Variants in ADGRL2 observed in about 807,000 individuals in gnomAD.
The protein encoded by ADGRL2 is adhesion G protein-coupled receptor L2.
Under a neutral mutation model 157.4 loss-of-function variants are expected in ADGRL2, and 44 were observed. The observed-to-expected ratio is 0.28, with a 90% confidence interval of 0.22 to 0.36. The LOEUF (loss-of-function observed/expected upper bound fraction) is 0.36, where lower values mean the gene tolerates loss of function less well. Among genes scored for constraint, ADGRL2 ranks in the 10% least tolerant of loss-of-function variants. The pLI is 1.00. For missense variants in ADGRL2, 1,510 were observed against 1,768.9 expected, an observed-to-expected ratio of 0.85 and a Z score of 2.63; for synonymous variants, 585 against 624.7, an observed-to-expected ratio of 0.94 and a Z score of 0.95.
intron 1 of ADGRL2, among the ~76,000 whole-genome samples, chr1:81,436,742 G>A (rs533593088): frequency 4.6e-5 from 7 of 152,310 alleles, no homozygotes; most frequent in African/African-American, 1.2e-4. Flanking sequence ...GGACTGGTCT[G>A]CTCAGTGAAC....
intron 3 of ADGRL2, among the ~76,000 whole-genome samples, chr1:81,646,321 A>C (rs2082314498): frequency 6.6e-6 from 1 of 152,190 alleles, no homozygotes; most frequent in Non-Finnish European, 1.5e-5. Context: ...GAGAAAAATT[A>C]TTTCTTGGAC....
chr1:81,572,104 C>T (rs1028413332), intron 2 of ADGRL2, among the ~76,000 whole-genome samples: 1 of 152,188 alleles, frequency 6.6e-6, no homozygotes, highest in Non-Finnish European at 1.5e-5. Flanking sequence ...GACTGGCTAA[C>T]AGGAGCAATG....
intron 2 of ADGRL2, among the ~76,000 whole-genome samples, chr1:81,513,212 C>T (rs1489378458): frequency 6.6e-6 from 1 of 152,054 alleles, no homozygotes; most frequent in Non-Finnish European, 1.5e-5. Flanking sequence ...TCTCAATTTG[C>T]TGAGGACAAA....
chr1:81,565,992 TG>T (rs2148474150), intron 2 of ADGRL2, among the ~76,000 whole-genome samples: 1 of 152,294 alleles, frequency 6.6e-6, no homozygotes, highest in South Asian at 2.1e-4. Flanking sequence ...ACTGCAGCTT[TG>T]CAGAGGGGTA....
intron 1 of ADGRL2, among the ~76,000 whole-genome samples, chr1:81,342,183 C>G (rs1001729080): frequency 6.6e-6 from 1 of 152,116 alleles, no homozygotes; most frequent in African/African-American, 2.4e-5. Flanking sequence ...ACCAAAATTT[C>G]CCACCTGAAT....
intron 3 of ADGRL2, among the ~76,000 whole-genome samples, chr1:81,595,588 C>T (rs932599008): frequency 1.3e-5 from 2 of 152,094 alleles, no homozygotes; most frequent in Non-Finnish European, 2.9e-5. Flanking sequence ...AGTACTGGGG[C>T]AAATGTGGTC....
intron 1 of ADGRL2, among the ~76,000 whole-genome samples, chr1:81,828,888 C>G (rs191193515): frequency 4.1e-4 from 62 of 151,712 alleles, no homozygotes; most frequent in Non-Finnish European, 4.9e-4. Context: ...TTCTTACCGT[C>G]TCATCTAAAT....
chr1:81,409,583 A>G (rs904711473), intron 1 of ADGRL2, among the ~76,000 whole-genome samples: 1 of 152,134 alleles, frequency 6.6e-6, no homozygotes, highest in Admixed American at 6.5e-5. Context: ...TTCCTGTACC[A>G]AGGTGTGCTA....
chr1:81,931,778 C>T lies in ADGRL2; in HGVS notation c.288-4950C>T, dbSNP rs1002187100. Reference sequence around the variant, plus strand: ...CCCCAAGTAGCTGGAACTACAGGCACATACCACCACACCTGGCTAATTTTT... The same window carrying T: ...CCCCAAGTAGCTGGAACTACAGGCATATACCACCACACCTGGCTAATTTTT... On this transcript the variant is annotated intron_variant, in intron 3 of 23. Transcript: ENST00000686636. 4.6e-5 allele frequency among the ~76,000 whole-genome samples: 7 copies of T among 152,128 alleles called. No individual in the cohort carries two copies. The East Asian group carries it at 1.4e-3, about 29-fold the overall frequency.
chr1:81,718,590 T>G (rs1000965847), intron 1 of ADGRL2, among the ~76,000 whole-genome samples: 3 of 152,220 alleles, frequency 2.0e-5, no homozygotes, highest in Non-Finnish European at 4.4e-5. Context: ...TTGGAAACCT[T>G]AAAGTGTTTT....
intron 1 of ADGRL2, among the ~76,000 whole-genome samples, chr1:81,759,125 T>G (rs1215624500): frequency 6.6e-6 from 1 of 152,180 alleles, no homozygotes; most frequent in Admixed American, 6.5e-5. Flanking sequence ...TGATTAGATT[T>G]TGATTGCTGT....
At chr1:81,932,425 T>C (rs2095246419) in intron 3 of ADGRL2, among the ~76,000 whole-genome samples, 1 of 152,228 alleles carries the variant, frequency 6.6e-6, no homozygotes, top group Non-Finnish European at 1.5e-5. Context: ...TTGTAAACTG[T>C]ATTATGTACC....
intron 1 of ADGRL2, among the ~76,000 whole-genome samples, chr1:81,371,596 G>A (rs2076161361): frequency 6.6e-6 from 1 of 152,174 alleles, no homozygotes; most frequent in African/African-American, 2.4e-5. Flanking sequence ...CCTTGTAAAT[G>A]AAACTTTGCA....
intron 3 of ADGRL2, among the ~76,000 whole-genome samples, chr1:81,605,688 A>C (rs538037601): frequency 6.6e-6 from 1 of 152,316 alleles, no homozygotes; most frequent in South Asian, 2.1e-4. Context: ...GCAGTGATTT[A>C]GTTTATCTTG....
intron 1 of ADGRL2, among the ~76,000 whole-genome samples, chr1:81,397,196 TG>T (rs2076669829): frequency 6.6e-6 from 1 of 152,104 alleles, no homozygotes. Context: ...CTTGGTAGGT[TG>T]TATGTGTCCG....
intron 3 of ADGRL2, among the ~76,000 whole-genome samples, chr1:81,650,367 C>T (rs1013437206): frequency 4.7e-5 from 7 of 150,412 alleles, no homozygotes; most frequent in East Asian, 3.9e-4. Context: ...GTCAAGAGAT[C>T]GAGACCATCC....
At chr1:81,426,675 G>T (rs780164358) in intron 1 of ADGRL2, 2 of 467,576 alleles carry the variant, frequency 4.3e-6, no homozygotes, top group Non-Finnish European at 8.3e-6. Context: ...CAAAGAAAAC[G>T]TTCCAGGGGG....
intron 3 of ADGRL2, among the ~76,000 whole-genome samples, chr1:81,676,501 A>G (rs1283232502): frequency 2.0e-5 from 3 of 151,414 alleles, no homozygotes; most frequent in Non-Finnish European, 4.4e-5. Flanking sequence ...ATATTTCACT[A>G]TGTTGACTAG....
chr1:81,988,062 T>C (rs1444965266), intron 23 of ADGRL2, among the ~76,000 whole-genome samples, 176 bp downstream of exon 23: 1 of 152,160 alleles, frequency 6.6e-6, no homozygotes, highest in Non-Finnish European at 1.5e-5. Context: ...GTACTGCCTT[T>C]TGTCAGTAAT....
Sources: gnomAD v4.1 joint callset for allele counts (sites outside exome capture counted in the v4.1 genomes callset) on GRCh38, gnomAD v4.1.1 for gene constraint, MANE v1.5 for transcripts, NCBI Gene and HGNC (gene_info 2026-07-23, HGNC 2026-07-21) for gene names.